Variants in SFMBT1 observed in about 807,000 individuals in gnomAD.
SFMBT1 encodes the protein scm-like with four MBT domains protein 1.
A neutral mutation model predicts 108.7 loss-of-function variants in SFMBT1; 32 were observed. That is an observed-to-expected ratio of 0.29 (90% CI 0.22 to 0.40). SFMBT1 has a LOEUF of 0.40. Ranked by LOEUF, SFMBT1 falls within the 10% of genes least tolerant of loss-of-function variation. SFMBT1 has a pLI of 1.00. For synonymous variants in SFMBT1, 348 were observed against 369.5 expected (o/e 0.94, Z 0.67); for missense variants, 816 against 1,059.6 (o/e 0.77, Z 3.19).
intron 1 of SFMBT1, among the ~76,000 whole-genome samples, chr3:53,028,261 T>C (rs915368996): frequency 2.0e-5 from 3 of 152,150 alleles, no homozygotes; most frequent in Admixed American, 6.5e-5. Context: ...TTTGTATTTT[T>C]TGTAGAGACA....
chr3:52,986,895 G>C (rs1037111592), intron 1 of SFMBT1, among the ~76,000 whole-genome samples: 1 of 152,046 alleles, frequency 6.6e-6, no homozygotes, highest in African/African-American at 2.4e-5. Context: ...AGCCGAGATC[G>C]TGCCACTGCT....
At chr3:53,015,238 T>G (rs971612454) in intron 1 of SFMBT1, among the ~76,000 whole-genome samples, 4 of 151,754 alleles carry the variant, frequency 2.6e-5, no homozygotes, top group Middle Eastern at 3.4e-3. Flanking sequence ...AATCATTGTA[T>G]TTTAATTGGC....
intron 1 of SFMBT1, among the ~76,000 whole-genome samples, chr3:52,971,218 T>A (rs1704330927): frequency 6.6e-6 from 1 of 152,206 alleles, no homozygotes; most frequent in Admixed American, 6.5e-5. Context: ...TGCAATCTGA[T>A]ACGCTACCGT....
intron 1 of SFMBT1, among the ~76,000 whole-genome samples, chr3:53,010,297 T>C (rs1043140239): frequency 2.6e-5 from 4 of 151,566 alleles, no homozygotes; most frequent in South Asian, 2.1e-4. Context: ...CTGCAAGGAG[T>C]GCAAGGGGGT....
At chr3:52,975,278 T>C (rs573691180) in intron 1 of SFMBT1, among the ~76,000 whole-genome samples, 17 of 152,338 alleles carry the variant, frequency 1.1e-4, no homozygotes, top group East Asian at 3.9e-4. Context: ...TACATGGCCA[T>C]TGGAAATTGT....
At chr3:53,044,118 C>A (rs1700137727) in intron 1 of SFMBT1, among the ~76,000 whole-genome samples, 1 of 152,196 alleles carries the variant, frequency 6.6e-6, no homozygotes, top group Non-Finnish European at 1.5e-5. Flanking sequence ...TGTTAAAAAT[C>A]TATTCAAATA....
chr3:52,948,363 T>C (rs1224142673), intron 3 of SFMBT1, among the ~76,000 whole-genome samples: 1 of 152,128 alleles, frequency 6.6e-6, no homozygotes, highest in Non-Finnish European at 1.5e-5. Flanking sequence ...AGTCTTCTCA[T>C]TTTGTCTTAT....
rs545048874 is a variant in SFMBT1, at chr3:52,989,866, A to G, written c.-130-20608T>C. 4.6e-5 allele frequency among the ~76,000 whole-genome samples: 7 copies of G among 152,300 alleles called. No individual in the cohort carries two copies. The South Asian group carries it at 1.4e-3, about 32-fold the overall frequency. ...TCTTTCAGCCTTGGACAAAACTATC[A>G]TTGAAACAGACGTCTGAAGTCATCC... is the stretch of plus-strand genomic sequence containing the variant. On this transcript the variant is annotated intron_variant, in intron 1 of 20. Transcript: ENST00000394752.
intron 1 of SFMBT1, among the ~76,000 whole-genome samples, chr3:52,994,782 G>A (rs374647267): frequency 6.7e-6 from 1 of 150,178 alleles, no homozygotes; most frequent in African/African-American, 2.4e-5. Context: ...TTACAGGCAT[G>A]AGCCACTACG....
At chr3:53,032,137 A>G (rs1460414209) in intron 1 of SFMBT1, among the ~76,000 whole-genome samples, 1 of 152,222 alleles carries the variant, frequency 6.6e-6, no homozygotes, top group Non-Finnish European at 1.5e-5. Context: ...TCAGAGCCCA[A>G]GGCGAGTGGA....
chr3:53,014,409 A>T (rs1441027343), intron 1 of SFMBT1, among the ~76,000 whole-genome samples: 1 of 152,044 alleles, frequency 6.6e-6, no homozygotes, highest in Admixed American at 6.6e-5. Context: ...GGTCAAGTTT[A>T]CAGTGAGCCG....
intron 2 of SFMBT1, among the ~76,000 whole-genome samples, chr3:52,963,614 A>C (rs2106848737): frequency 6.6e-6 from 1 of 151,564 alleles, no homozygotes; most frequent in Admixed American, 6.6e-5. Flanking sequence ...GCACCTGGCT[A>C]ATTTTTTTTT....
chr3:52,976,412 G>T (rs1704521399), intron 1 of SFMBT1, among the ~76,000 whole-genome samples: 1 of 152,022 alleles, frequency 6.6e-6, no homozygotes, highest in Admixed American at 6.6e-5. Context: ...TAGTGTTAAA[G>T]AATTGGCTAT....
chr3:53,003,148 T>C (rs1211902902), intron 1 of SFMBT1, among the ~76,000 whole-genome samples: 1 of 131,724 alleles, frequency 7.6e-6, no homozygotes, highest in Non-Finnish European at 1.7e-5. Flanking sequence ...AAAAAAAAGA[T>C]GGTGTTTAAA....
chr3:53,014,032 T>A (rs976698334), intron 1 of SFMBT1, among the ~76,000 whole-genome samples: 1 of 152,136 alleles, frequency 6.6e-6, no homozygotes, highest in Admixed American at 6.5e-5. Flanking sequence ...ACCTCTTCCA[T>A]CCCACCACCA....
In SFMBT1 at chr3:52,906,213, A is replaced by G; in HGVS notation, c.2360T>C (p.Leu787Pro). 6.2e-7 allele frequency: 1 copy of G among 1,614,122 alleles called. No individual in the cohort carries two copies. The highest frequency in any genetic ancestry group is 8.5e-7 in the Non-Finnish European group (1 of 1,179,976). The change falls in exon 20 of 21, where the codon CTT becomes CCT. Residue 787 changes from leucine (L) to proline (P), a missense_variant. Coordinates refer to ENST00000394752, the MANE Select transcript of SFMBT1 (RefSeq NM_016329.4). ...CTTCAAGGGGTTACTGTCCAGGTGA[A>G]GCCTTTCAGCAACTTCGATCCTTAT... The part of the protein sequence containing the change: ...KEIRIEVAER[L>P]HLDSNPLKWS...
Position 52,943,548 on chromosome 3 carries a change from C to G in SFMBT1, c.169G>C (p.Glu57Gln). Reference sequence around the variant, plus strand: ...TCAGGATCTGTTCTCACAGCCACCTCCAGCTTCATCCCAGGAGCAAATCCA... The same window carrying G: ...TCAGGATCTGTTCTCACAGCCACCTGCAGCTTCATCCCAGGAGCAAATCCA... ...QNGFAPGMKLEVAVRTDPETY... is the reference protein window; with the variant it reads ...QNGFAPGMKLQVAVRTDPETY... Residue 57 changes from glutamate (E) to glutamine (Q), a missense_variant, in exon 4 of 21, where the codon GAG (glutamate) becomes CAG (glutamine). Glu to Gln is a conservative substitution (Grantham distance 29). Coordinates refer to ENST00000394752, the MANE Select transcript of SFMBT1 (RefSeq NM_016329.4). 1 of 1,614,232 alleles carries G rather than the reference C, an allele frequency of 6.2e-7. No homozygotes were observed. Among genetic ancestry groups the G allele is most frequent in the Non-Finnish European group, 8.5e-7 (1 of 1,180,034 alleles).
At chr3:52,905,399 T>C in intron 20 of SFMBT1, 123 bp from the exon 21 acceptor site, 1 of 1,006,738 alleles carries the variant, frequency 9.9e-7, no homozygotes, top group Non-Finnish European at 1.4e-6. Flanking sequence ...TTCCTTACTT[T>C]TTCGTCTTAG....
intron 17 of SFMBT1, 122 bp from the exon 18 acceptor site, chr3:52,907,855 C>T: frequency 2.2e-6 from 2 of 890,628 alleles, no homozygotes; most frequent in Non-Finnish European, 3.4e-6. Flanking sequence ...GGTTTAAATT[C>T]CATAGAGTGG....
Sources: gnomAD v4.1 joint callset for allele counts (sites outside exome capture counted in the v4.1 genomes callset) on GRCh38, gnomAD v4.1.1 for gene constraint, MANE v1.5 for transcripts, NCBI Gene and HGNC (gene_info 2026-07-23, HGNC 2026-07-21) for gene names.